The following EIF4H variants were observed in gnomAD, a reference collection of about 807,000 sequenced individuals.
The protein encoded by EIF4H is Williams-Beuren syndrome chromosome region 1.
A neutral mutation model predicts 30.6 loss-of-function variants in EIF4H; 8 were observed. The observed-to-expected ratio is 0.26, with a 90% CI of 0.15 to 0.47. The LOEUF is 0.47. EIF4H is among the 20% of genes least tolerant of loss of function. The probability of loss-of-function intolerance (pLI) is 0.99; values close to 1 mark genes in which losing one functional copy is unlikely to be tolerated. For synonymous variants in EIF4H, 106 were observed against 122.7 expected (o/e 0.86, Z 0.90); for missense variants, 188 against 339.5 (o/e 0.55, Z 3.51).
intron 1 of EIF4H, among the ~76,000 whole-genome samples, chr7:74,174,791 C>A (rs1186859962): frequency 6.6e-6 from 1 of 152,262 alleles, no homozygotes; most frequent in African/African-American, 2.4e-5. Flanking sequence ...CGGGGCTGAG[C>A]TGTGGCGCTG....
intron 1 of EIF4H, 145 bp from the exon 2 acceptor site, chr7:74,187,466 A>C: frequency 1.2e-6 from 1 of 803,076 alleles, no homozygotes; most frequent in Non-Finnish European, 1.8e-6. Context: ...TTGTTTCTCC[A>C]GCCATTCTCT....
At chr7:74,177,748 A>G (rs1800873325) in intron 1 of EIF4H, among the ~76,000 whole-genome samples, 1 of 152,196 alleles carries the variant, frequency 6.6e-6, no homozygotes, top group African/African-American at 2.4e-5. Context: ...GTTCCAAACC[A>G]TTATCCTCTA....
chr7:74,194,753 A>T lies in EIF4H; in HGVS notation c.482A>T (p.Asp161Val). The change falls in exon 6 of 7, where the codon GAC (aspartate) becomes GTC (valine). Residue 161 changes from aspartate (D) to valine (V), a missense_variant. Around this residue, in one of 4 missense-constraint regions of EIF4H, gnomAD observed 76 missense variants for 85.8 expected, o/e 0.89. Transcript: ENST00000265753. ...RDDFNSGFRD[D>V]FLGGRGGSRP... ...GTTTCTTCCTCAGGCTTCAGGGATG[A>T]CTTCTTAGGGGGCAGGGGAGGTAGT... 1 of 1,586,580 alleles carries T rather than the reference A, an allele frequency of 6.3e-7. No homozygotes were observed. Among genetic ancestry groups the T allele is most frequent in the Non-Finnish European group, 8.6e-7 (1 of 1,158,724 alleles).
intron 6 of EIF4H, 68 bp downstream of exon 6, chr7:74,194,946 G>T: frequency 3.3e-6 from 5 of 1,535,952 alleles, no homozygotes; most frequent in Non-Finnish European, 3.5e-6. Context: ...TTCACACCCC[G>T]TGGGGACTTG....
intron 1 of EIF4H, among the ~76,000 whole-genome samples, chr7:74,177,856 C>T (rs1427579517): frequency 6.6e-6 from 1 of 152,230 alleles, no homozygotes; most frequent in Non-Finnish European, 1.5e-5. Context: ...ACCAGAGTTT[C>T]ATCAGTTCAG....
chr7:74,196,818 TAAG>T lies in EIF4H; in HGVS notation c.*1513_*1515del, dbSNP rs1801364456. On this transcript the variant is annotated 3_prime_UTR_variant, in exon 7 of 7. Coordinates refer to ENST00000265753, the MANE Select transcript of EIF4H (RefSeq NM_022170.2). Reference sequence around the variant, plus strand: ...CCTGTCAGCTTCTCTGCTTCTGAGATAAGAACCATTTGTGTAACACCAACACTT... The same window carrying T: ...CCTGTCAGCTTCTCTGCTTCTGAGATAACCATTTGTGTAACACCAACACTT... 6.6e-6 allele frequency: 1 copy of T among 152,004 alleles called. No homozygotes were observed. The highest frequency in any genetic ancestry group is 6.6e-5 in the Admixed American group (1 of 15,240). 9.4% of individuals were successfully genotyped at this position (152,004 alleles called of 1,614,324 possible).
chr7:74,182,525 C>T (rs1218655407), intron 1 of EIF4H, among the ~76,000 whole-genome samples: 1 of 152,206 alleles, frequency 6.6e-6, no homozygotes, highest in Non-Finnish European at 1.5e-5. Context: ...CTTTACCCTT[C>T]TGGGCCCTAC....
chr7:74,180,385 C>T (rs1295703115), intron 1 of EIF4H, among the ~76,000 whole-genome samples: 5 of 152,140 alleles, frequency 3.3e-5, no homozygotes, highest in East Asian at 1.9e-4. Context: ...AAGTGCTTTG[C>T]GTGTTTCATA....
chr7:74,183,386 G>T (rs1305383609), intron 1 of EIF4H, among the ~76,000 whole-genome samples: 2 of 152,182 alleles, frequency 1.3e-5, no homozygotes, highest in Non-Finnish European at 2.9e-5. Flanking sequence ...GGCCTGTTGG[G>T]TCTACCCAGG....
intron 5 of EIF4H, among the ~76,000 whole-genome samples, chr7:74,192,171 T>C (rs1052627757): frequency 6.6e-6 from 1 of 152,196 alleles, no homozygotes; most frequent in East Asian, 1.9e-4. Flanking sequence ...GTGGTCGAAA[T>C]CATTTAATCT....
chr7:74,195,114 T>C, intron 6 of EIF4H, 55 bp from the exon 7 acceptor site: 2 of 1,593,680 alleles, frequency 1.3e-6, no homozygotes, highest in South Asian at 2.2e-5. Flanking sequence ...ATGGTCGTTT[T>C]GCTGGATATG....
At chr7:74,184,133 G>A (rs782690937) in intron 1 of EIF4H, among the ~76,000 whole-genome samples, 25 of 152,100 alleles carry the variant, frequency 1.6e-4, no homozygotes, top group Non-Finnish European at 3.1e-4. Flanking sequence ...ATTTGGTAAC[G>A]TGCCAACTTT....
At position 74,194,388 on chromosome 7, in the gene EIF4H, A is replaced by T. The variant is rs189663823; in HGVS notation, c.470-353A>T. ...TAGCTGTATAGATTTCTATTAGAAA[A>T]TAGAGTTCAACCTGCTTTGAGGCTT... On this transcript the variant is annotated intron_variant, in intron 5 of 6. Coordinates refer to ENST00000265753, the MANE Select transcript of EIF4H (RefSeq NM_022170.2). Among the ~76,000 whole-genome samples, 4 of 152,360 alleles carry T rather than the reference A, an allele frequency of 2.6e-5. No individual in the cohort carries two copies. The East Asian group carries it at 7.7e-4, about 29-fold the overall frequency.
chr7:74,179,283 G>A (rs1031319593), intron 1 of EIF4H, among the ~76,000 whole-genome samples: 1 of 152,202 alleles, frequency 6.6e-6, no homozygotes, highest in Non-Finnish European at 1.5e-5. Context: ...ATGAAGGTTA[G>A]TTGCAATGTG....
intron 5 of EIF4H, among the ~76,000 whole-genome samples, chr7:74,193,712 G>C (rs1260107582): frequency 1.3e-5 from 2 of 151,392 alleles, no homozygotes; most frequent in African/African-American, 4.9e-5. Flanking sequence ...TTCCAGGTTC[G>C]AGCGATTATC....
intron 1 of EIF4H, among the ~76,000 whole-genome samples, chr7:74,186,585 T>C (rs1279216383): frequency 1.3e-5 from 2 of 152,062 alleles, no homozygotes; most frequent in Admixed American, 6.6e-5. Context: ...TTTAAACCAA[T>C]ACCTATGCAG....
At chr7:74,191,003 G>T (rs1480130193) in intron 5 of EIF4H, among the ~76,000 whole-genome samples, 2 of 152,124 alleles carry the variant, frequency 1.3e-5, no homozygotes, top group African/African-American at 4.8e-5. Flanking sequence ...CCGCAAACTT[G>T]GGATGTGCTG....
chr7:74,188,117 C>T (rs1801129003), intron 2 of EIF4H, among the ~76,000 whole-genome samples: 1 of 152,326 alleles, frequency 6.6e-6, no homozygotes, highest in East Asian at 1.9e-4. Flanking sequence ...GCCGAGGACT[C>T]TTAGGCACAT....
chr7:74,184,790 T>C (rs904257684), intron 1 of EIF4H, among the ~76,000 whole-genome samples: 1 of 152,150 alleles, frequency 6.6e-6, no homozygotes, highest in Admixed American at 6.6e-5. Flanking sequence ...CACTGCAAGC[T>C]CCACCTCAGC....
Sources: gnomAD v4.1 joint callset for allele counts (sites outside exome capture counted in the v4.1 genomes callset) on GRCh38, gnomAD v4.1.1 for gene constraint, gnomAD v4.1.1 regional missense constraint, MANE v1.5 for transcripts, NCBI Gene and HGNC (gene_info 2026-07-23, HGNC 2026-07-21) for gene names.